The following COL5A1 variants were observed in gnomAD, a reference collection of about 807,000 sequenced individuals.
COL5A1 encodes collagen alpha-1(V) chain.
A neutral mutation model predicts 263.7 loss-of-function variants in COL5A1; 16 were observed. The ratio of observed to expected loss-of-function variants is 0.06; its 90% CI spans 0.04 to 0.09. The LOEUF is 0.09. COL5A1 is among the 10% of genes least tolerant of loss of function. The pLI is 1.00. For missense variants in COL5A1, 2,036 were observed against 2,540.5 expected, an observed-to-expected ratio of 0.80 and a Z score of 4.27; for synonymous variants, 1,012 against 1,004.5, an observed-to-expected ratio of 1.01 and a Z score of -0.14.
chr9:134,694,316 C>T (rs769906649), intron 2 of COL5A1, among the ~76,000 whole-genome samples: 6 of 152,252 alleles, frequency 3.9e-5, no homozygotes, highest in African/African-American at 1.4e-4. Context: ...CCAGGCCGCA[C>T]AGGCGTTGAC....
intron 30 of COL5A1, 22 bp from the exon 31 acceptor site, chr9:134,785,973 A>T (rs1330353983): frequency 6.2e-7 from 1 of 1,608,524 alleles, no homozygotes; most frequent in Non-Finnish European, 8.5e-7. Context: ...CTGGCCATTA[A>T]TGCAACTCTT....
chr9:134,710,563 G>GGGA (rs1564403082), intron 4 of COL5A1, among the ~76,000 whole-genome samples: 1 of 123,166 alleles, frequency 8.1e-6, no homozygotes, highest in Admixed American at 8.2e-5. Flanking sequence ...GTGGTGGGGG[G>GGGA]GCCCCATTTG....
At chr9:134,788,060 G>T (rs1837526453) in intron 31 of COL5A1, among the ~76,000 whole-genome samples, 1 of 152,120 alleles carries the variant, frequency 6.6e-6, no homozygotes, top group South Asian at 2.1e-4. Flanking sequence ...TAGGCAGATG[G>T]ATAGACAGAT....
At chr9:134,760,394 A>C (rs1405032288) in intron 18 of COL5A1, among the ~76,000 whole-genome samples, 1 of 63,372 alleles carries the variant, frequency 1.6e-5, no homozygotes, top group Admixed American at 2.4e-4. Flanking sequence ...ACACACCCCC[A>C]CACCCCCACA....
At chr9:134,684,573 A>G (rs1297498882) in intron 1 of COL5A1, among the ~76,000 whole-genome samples, 1 of 152,220 alleles carries the variant, frequency 6.6e-6, no homozygotes, top group Non-Finnish European at 1.5e-5. Flanking sequence ...TGCGCTGAGC[A>G]CTGTAGTCCT....
At chr9:134,829,603 G>A (rs1227891159) in intron 63 of COL5A1, among the ~76,000 whole-genome samples, 4 of 145,822 alleles carry the variant, frequency 2.7e-5, no homozygotes, top group African/African-American at 1.0e-4. Context: ...TAAGGGCCGG[G>A]GCCAGGCTCA....
At chr9:134,699,864 G>T in intron 2 of COL5A1, 45 bp from the exon 3 acceptor site, 2 of 1,589,928 alleles carry the variant, frequency 1.3e-6, no homozygotes, top group Non-Finnish European at 1.7e-6. Context: ...GGGTGTGGTT[G>T]CAGGGGCTCC....
At chr9:134,752,728 G>T in intron 14 of COL5A1, 83 bp downstream of exon 14, 1 of 1,128,116 alleles carries the variant, frequency 8.9e-7, no homozygotes, top group Non-Finnish European at 1.3e-6. Context: ...GTGGCAGGTG[G>T]CCCTGGGGTC....
chr9:134,792,622 C>T (rs953926552), intron 32 of COL5A1, among the ~76,000 whole-genome samples: 4 of 152,140 alleles, frequency 2.6e-5, no homozygotes, highest in Non-Finnish European at 4.4e-5. Context: ...GCCTCAGCCT[C>T]CCAAAGTGCT....
At position 134,738,106 on chromosome 9, in the gene COL5A1, C is replaced by T. The variant is rs193258989; in HGVS notation, c.1390-368C>T. ...TTGTCCTGGCATCCACCTCCTCCCT[C>T]GAGTGGCTTTGGCCTGGCGGACCTG... On this transcript the variant is annotated intron_variant, in intron 9 of 65. Transcript: ENST00000371817. 1.7e-4 allele frequency among the ~76,000 whole-genome samples: 26 copies of T among 152,286 alleles called. No homozygotes were observed. The East Asian group carries it at 3.5e-3, about 20-fold the overall frequency.
intron 27 of COL5A1, among the ~76,000 whole-genome samples, chr9:134,778,737 T>A (rs1837144035): frequency 6.6e-6 from 1 of 152,162 alleles, no homozygotes. Flanking sequence ...CGGCCAGGTG[T>A]GAAGCAGACA....
chr9:134,687,615 G>A (rs1025339356), intron 1 of COL5A1, among the ~76,000 whole-genome samples: 3 of 152,158 alleles, frequency 2.0e-5, no homozygotes, highest in Non-Finnish European at 2.9e-5. Flanking sequence ...TCAGATGGTC[G>A]GTCTCAGGAA....
chr9:134,803,774 C>T lies in COL5A1; in HGVS notation c.3114+779C>T, dbSNP rs551834569. Among the ~76,000 whole-genome samples, 6 of 151,844 alleles carry T rather than the reference C, an allele frequency of 4.0e-5. No individual in the cohort carries two copies. In the East Asian group the frequency reaches 1.2e-3, roughly 30 times the overall value. ...AGCAGAATGGTGTGAACTCGGGGGG[C>T]GGAGCTTGCAGTGAGCCGAGATCGC... On this transcript the variant is annotated intron_variant, in intron 39 of 65. Coordinates refer to ENST00000371817, the MANE Select transcript of COL5A1 (RefSeq NM_000093.5).
intron 63 of COL5A1, among the ~76,000 whole-genome samples, chr9:134,828,947 G>A (rs906275791): frequency 7.4e-5 from 11 of 148,508 alleles, no homozygotes; most frequent in Admixed American, 4.6e-4. Flanking sequence ...ACACAGATGC[G>A]TACCACACAC....
At chr9:134,760,524 AC>A (rs1488685971) in intron 18 of COL5A1, among the ~76,000 whole-genome samples, 1 of 79,858 alleles carries the variant, frequency 1.3e-5, no homozygotes, top group Non-Finnish European at 2.2e-5. Context: ...ACACCCACAC[AC>A]CCCCACACTC....
In COL5A1 at chr9:134,798,565, T is replaced by C. The variant is rs1838001360; in HGVS notation, c.2952+104T>C. On this transcript the variant is annotated intron_variant, in intron 37 of 65. Coordinates refer to ENST00000371817, the MANE Select transcript of COL5A1 (RefSeq NM_000093.5). The stretch of plus-strand genomic sequence containing the variant: ...AGCGCCATCTAGGACCCTCCTGGCC[T>C]GGGAGAGACAGGTTGGCCTCAGAAA... 33 of 748,532 alleles carry C rather than the reference T, an allele frequency of 4.4e-5. 1 individual carries two copies. The South Asian group carries it at 5.4e-4, about 12-fold the overall frequency. 46.4% of individuals were successfully genotyped at this position (748,532 alleles called of 1,614,324 possible). A position where few individuals can be genotyped will look rare whatever the true frequency, so the allele number is the denominator to read the frequency against.
intron 32 of COL5A1, among the ~76,000 whole-genome samples, chr9:134,791,000 TGCTCCTGACTGGG>T (rs1441322029): frequency 6.6e-6 from 1 of 152,160 alleles, no homozygotes; most frequent in Non-Finnish European, 1.5e-5. Flanking sequence ...CTCACTCCCA[TGCTCCTGACTGGG>T]GCTCTGCCCC....
At chr9:134,790,494 C>T (rs1837643254) in intron 32 of COL5A1, among the ~76,000 whole-genome samples, 1 of 101,166 alleles carries the variant, frequency 9.9e-6, no homozygotes, top group Admixed American at 9.9e-5. Context: ...ACCCATCCAC[C>T]CACCCACCCA....
At chr9:134,698,365 T>C (rs1233876728) in intron 2 of COL5A1, among the ~76,000 whole-genome samples, 2 of 152,250 alleles carry the variant, frequency 1.3e-5, no homozygotes, top group African/African-American at 4.8e-5. Context: ...AGTGCCTTAG[T>C]GAGAGATTCG....
Sources: gnomAD v4.1 joint callset for allele counts (sites outside exome capture counted in the v4.1 genomes callset) on GRCh38, gnomAD v4.1.1 for gene constraint, MANE v1.5 for transcripts, NCBI Gene and HGNC (gene_info 2026-07-23, HGNC 2026-07-21) for gene names.